PSD3: variants seen among roughly 807,000 people sequenced by gnomAD.
PSD3 encodes the protein PH and SEC7 domain-containing protein 3.
A neutral mutation model predicts 105.5 loss-of-function variants in PSD3; 49 were observed. The ratio of observed to expected loss-of-function variants is 0.46; its 90% confidence interval spans 0.37 to 0.59. The LOEUF (loss-of-function observed/expected upper bound fraction) is 0.59. PSD3 is among the 20% of genes least tolerant of loss of function. PSD3 has a pLI of 0.00. For synonymous variants in PSD3, 557 were observed against 457.8 expected, an observed-to-expected ratio of 1.22 and a Z score of -2.77; for missense variants, 1,561 against 1,263.8, an observed-to-expected ratio of 1.24 and a Z score of -3.57.
At chr8:18,675,633 G>A (rs918937303) in intron 9 of PSD3, among the ~76,000 whole-genome samples, 18 of 152,120 alleles carry the variant, frequency 1.2e-4, no homozygotes, top group African/African-American at 4.1e-4. Flanking sequence ...AAATTCCACC[G>A]ATATCAGGTG....
Position 19,025,225 on chromosome 8 carries a change from T to A in PSD3, c.324+58981A>T, listed in dbSNP as rs12678895. ...CTAAATCACACACCCACTAGTGCCA[T>A]AATAGTTCATGGAACACCCATATTT... On this transcript the variant is annotated intron_variant, in intron 1 of 1. Transcript: ENST00000521475. Among the ~76,000 whole-genome samples the A allele has an allele frequency of 4.5e-4, 69 of 152,302 alleles. No homozygotes were observed. In the East Asian group the frequency reaches 7.1e-3, roughly 16 times the overall value.
intron 15 of PSD3, among the ~76,000 whole-genome samples, chr8:18,553,402 G>C (rs1248015325): frequency 1.3e-5 from 2 of 152,192 alleles, no homozygotes. Context: ...GTTTTCATGG[G>C]AGCTTCTGGT....
chr8:18,773,673 G>C (rs754489407), intron 8 of PSD3, among the ~76,000 whole-genome samples: 2 of 152,074 alleles, frequency 1.3e-5, no homozygotes, highest in Non-Finnish European at 2.9e-5. Flanking sequence ...TTTTGAAATG[G>C]AGAAATCAGG....
intron 7 of PSD3, among the ~76,000 whole-genome samples, chr8:18,799,636 C>T (rs1015560464): frequency 7.9e-5 from 12 of 152,166 alleles, no homozygotes; most frequent in African/African-American, 1.7e-4. Flanking sequence ...TACAACAAAT[C>T]GGCTTCTAGG....
chr8:18,712,934 C>A (rs1195969647), intron 9 of PSD3, among the ~76,000 whole-genome samples: 1 of 152,120 alleles, frequency 6.6e-6, no homozygotes, highest in East Asian at 1.9e-4. Flanking sequence ...AACTTATCCA[C>A]CATGATGAAG....
chr8:19,038,547 A>G (rs1247415679), intron 1 of PSD3, among the ~76,000 whole-genome samples: 1 of 152,140 alleles, frequency 6.6e-6, no homozygotes, highest in Non-Finnish European at 1.5e-5. Context: ...TGCAGTCTTA[A>G]CCTCCTGGGC....
upstream of PSD3, among the ~76,000 whole-genome samples, chr8:19,017,414 TCA>T (rs1398673804): frequency 6.6e-6 from 1 of 152,154 alleles, no homozygotes; most frequent in Non-Finnish European, 1.5e-5. Context: ...AAGATCCAAT[TCA>T]CATACCACAC....
At chr8:18,966,923 G>A (rs1824293304) in intron 1 of PSD3, among the ~76,000 whole-genome samples, 1 of 152,164 alleles carries the variant, frequency 6.6e-6, no homozygotes, top group Non-Finnish European at 1.5e-5. Context: ...TTGGGTAGGG[G>A]GAGAAGGGAT....
chr8:18,595,745 T>A (rs188493509), intron 12 of PSD3, among the ~76,000 whole-genome samples: 1 of 152,048 alleles, frequency 6.6e-6, no homozygotes, highest in Non-Finnish European at 1.5e-5. Flanking sequence ...GCATCTATCA[T>A]CAAGGCACGT....
chr8:18,831,021 G>C (rs1332984751), intron 4 of PSD3, among the ~76,000 whole-genome samples: 4 of 151,624 alleles, frequency 2.6e-5, no homozygotes, highest in South Asian at 2.1e-4. Flanking sequence ...AAACAACTTA[G>C]AGGTTAAAAG....
At chr8:18,970,345 A>AAAAAG (rs1563474706) in intron 1 of PSD3, among the ~76,000 whole-genome samples, 5 of 145,126 alleles carry the variant, frequency 3.4e-5, no homozygotes, top group African/African-American at 1.4e-4. Flanking sequence ...AAAAAAAAAA[A>AAAAAG]AAACAAAGAA....
At chr8:18,972,241 T>G (rs1358310857) in intron 1 of PSD3, among the ~76,000 whole-genome samples, 1 of 152,192 alleles carries the variant, frequency 6.6e-6, no homozygotes, top group Non-Finnish European at 1.5e-5. Flanking sequence ...CCAGATCCAT[T>G]TGTCTAATTT....
chr8:18,819,094 A>C (rs936566857), intron 4 of PSD3, among the ~76,000 whole-genome samples: 1 of 152,162 alleles, frequency 6.6e-6, no homozygotes, highest in African/African-American at 2.4e-5. Flanking sequence ...ACGACTGTTC[A>C]TATCAAAACA....
chr8:18,617,533 A>G (rs1044541048), intron 11 of PSD3, among the ~76,000 whole-genome samples: 2 of 152,220 alleles, frequency 1.3e-5, no homozygotes, highest in African/African-American at 4.8e-5. Flanking sequence ...CTCCATCTCA[A>G]AAACAAACAA....
intron 9 of PSD3, among the ~76,000 whole-genome samples, chr8:18,740,884 C>G (rs1344572360): frequency 1.3e-5 from 2 of 152,172 alleles, no homozygotes; most frequent in Admixed American, 1.3e-4. Context: ...TTCAGCACTT[C>G]CACTAGACTT....
intron 12 of PSD3, among the ~76,000 whole-genome samples, chr8:18,596,656 G>A (rs542399731): frequency 1.3e-5 from 2 of 152,120 alleles, no homozygotes; most frequent in East Asian, 3.9e-4. Context: ...TGCAATTGAT[G>A]CCACATAAAC....
intron 8 of PSD3, among the ~76,000 whole-genome samples, chr8:18,785,905 C>T (rs1349579551): frequency 1.3e-5 from 2 of 152,180 alleles, no homozygotes; most frequent in African/African-American, 4.8e-5. Flanking sequence ...ATTAAGTCTG[C>T]TGTCTTATAT....
At chr8:18,657,765 G>A (rs1277286379) in intron 9 of PSD3, among the ~76,000 whole-genome samples, 5 of 152,146 alleles carry the variant, frequency 3.3e-5, no homozygotes, top group Admixed American at 6.5e-5. Context: ...GTAACAGTGG[G>A]CTGAGAAACT....
chr8:18,636,539 T>C (rs1052764452), intron 10 of PSD3, among the ~76,000 whole-genome samples: 1 of 152,188 alleles, frequency 6.6e-6, no homozygotes, highest in East Asian at 1.9e-4. Flanking sequence ...CAGTACTGTG[T>C]AGTAATGTCG....
Sources: allele counts gnomAD v4.1 joint callset (sites outside exome capture counted in the v4.1 genomes callset), GRCh38; gene constraint gnomAD v4.1.1; transcripts MANE v1.5; gene names NCBI Gene and HGNC (gene_info 2026-07-23, HGNC 2026-07-21).